The following RORA variants were observed in gnomAD, a reference collection of about 807,000 sequenced individuals.
The protein encoded by RORA is nuclear receptor ROR-alpha.
In RORA, 7 loss-of-function variants were observed where a neutral mutation model predicts 69.5. The observed-to-expected ratio is 0.10, with a 90% CI of 0.06 to 0.19. RORA has a LOEUF of 0.19. Ranked by LOEUF, RORA falls within the 10% of genes least tolerant of loss-of-function variation. The pLI, the probability that RORA is intolerant of heterozygous loss-of-function variation, is 1.00. For missense variants in RORA, 457 were observed against 663.0 expected (o/e 0.69, Z 3.41); for synonymous variants, 261 against 240.8 (o/e 1.08, Z -0.78).
intron 1 of RORA, among the ~76,000 whole-genome samples, chr15:61,204,197 A>T (rs1235561633): frequency 2.0e-5 from 3 of 152,200 alleles, no homozygotes; most frequent in Non-Finnish European, 4.4e-5. Flanking sequence ...AGGGAGATCC[A>T]AGCTGAGACT....
In RORA at chr15:60,786,837, C is replaced by T. The variant is rs529240531; in HGVS notation, c.167-108151G>A. Among the ~76,000 whole-genome samples, 7 of 152,336 alleles carry T rather than the reference C, an allele frequency of 4.6e-5. No individual in the cohort carries two copies. In the South Asian group the frequency reaches 1.0e-3, roughly 23 times the overall value. ...CACACCTCACTCAGCAACAGCTGTG[C>T]GAGTGCAGGTAAAGTCTTTCTGGAG... is the stretch of plus-strand genomic sequence containing the variant. On this transcript the variant is annotated intron_variant, in intron 1 of 10. Coordinates refer to ENST00000335670, the MANE Select transcript of RORA (RefSeq NM_134261.3).
At chr15:60,972,167 T>C (rs1019931803) in intron 1 of RORA, among the ~76,000 whole-genome samples, 4 of 152,222 alleles carry the variant, frequency 2.6e-5, no homozygotes, top group Admixed American at 6.5e-5. Flanking sequence ...GTCAGATCAA[T>C]TGAATGTTGG....
intron 1 of RORA, among the ~76,000 whole-genome samples, chr15:61,094,903 C>T (rs1298072220): frequency 6.6e-6 from 1 of 152,298 alleles, no homozygotes; most frequent in East Asian, 1.9e-4. Context: ...AGAAAAGATG[C>T]TACTGGAGCG....
At chr15:61,092,019 C>T (rs926207586) in intron 1 of RORA, among the ~76,000 whole-genome samples, 4 of 151,980 alleles carry the variant, frequency 2.6e-5, no homozygotes, top group Non-Finnish European at 5.9e-5. Flanking sequence ...TTGAACAAAC[C>T]AAGATATAAA....
intron 2 of RORA, among the ~76,000 whole-genome samples, chr15:60,624,304 T>C (rs2069502748): frequency 6.6e-6 from 1 of 151,266 alleles, no homozygotes; most frequent in South Asian, 2.1e-4. Flanking sequence ...TGTTTGGTCA[T>C]AGTTATATAT....
chr15:60,990,694 GCA>G (rs150772898), intron 1 of RORA, among the ~76,000 whole-genome samples: 2 of 151,912 alleles, frequency 1.3e-5, no homozygotes, highest in Non-Finnish European at 2.9e-5. Context: ...CACTGTGTAT[GCA>G]CACACACACA....
intron 1 of RORA, among the ~76,000 whole-genome samples, chr15:60,737,613 A>G (rs977607110): frequency 6.6e-6 from 1 of 152,258 alleles, no homozygotes; most frequent in African/African-American, 2.4e-5. Flanking sequence ...CCTGGTCTAT[A>G]GAATGGGGGC....
At chr15:60,955,544 T>C (rs1455401128) in intron 1 of RORA, among the ~76,000 whole-genome samples, 1 of 152,248 alleles carries the variant, frequency 6.6e-6, no homozygotes, top group Non-Finnish European at 1.5e-5. Flanking sequence ...TTCCTGGTTC[T>C]AAATGCAATA....
At chr15:60,895,798 C>G (rs1307614557) in intron 1 of RORA, among the ~76,000 whole-genome samples, 1 of 152,168 alleles carries the variant, frequency 6.6e-6, no homozygotes, top group East Asian at 1.9e-4. Context: ...AGCTAGGGCT[C>G]TTACTTTGAC....
At chr15:60,705,865 T>C (rs769793341) in intron 1 of RORA, among the ~76,000 whole-genome samples, 16 of 152,186 alleles carry the variant, frequency 1.1e-4, no homozygotes, top group Admixed American at 1.0e-3. Flanking sequence ...GAAATAATAA[T>C]ACTTTGCTTT....
At chr15:60,614,322 G>T (rs1419042082) in intron 2 of RORA, among the ~76,000 whole-genome samples, 1 of 152,138 alleles carries the variant, frequency 6.6e-6, no homozygotes, top group Admixed American at 6.5e-5. Flanking sequence ...GACAATTTTG[G>T]AGCATGGGCC....
At chr15:61,055,076 A>C (rs1280275844) in intron 1 of RORA, among the ~76,000 whole-genome samples, 2 of 152,062 alleles carry the variant, frequency 1.3e-5, no homozygotes, top group African/African-American at 4.8e-5. Context: ...GGCTCAAGGG[A>C]TCCACCTGCC....
At chr15:60,867,725 T>C (rs2073506405) in intron 1 of RORA, among the ~76,000 whole-genome samples, 1 of 152,164 alleles carries the variant, frequency 6.6e-6, no homozygotes. Flanking sequence ...CTCTTGATAT[T>C]CTCTATATGA....
At chr15:60,500,840 G>A (rs1362666063) in intron 9 of RORA, 119 bp downstream of exon 9, 1 of 574,534 alleles carries the variant, frequency 1.7e-6, no homozygotes, top group East Asian at 3.0e-5. Context: ...TTTAATAAGG[G>A]TGGAGACCTC....
At chr15:60,848,326 G>A (rs1301523491) in intron 1 of RORA, 2 of 152,236 alleles carry the variant, frequency 1.3e-5, no homozygotes, top group African/African-American at 4.8e-5. Flanking sequence ...ATGGGGAGAT[G>A]ATCCTGGGTT....
intron 1 of RORA, among the ~76,000 whole-genome samples, chr15:60,679,259 G>A (rs2070605612): frequency 6.6e-6 from 1 of 152,088 alleles, no homozygotes. Flanking sequence ...TCTAAAAATG[G>A]CCCCCAAATG....
At chr15:60,581,405 T>C (rs1480888638) in intron 2 of RORA, among the ~76,000 whole-genome samples, 1 of 152,262 alleles carries the variant, frequency 6.6e-6, no homozygotes, top group Non-Finnish European at 1.5e-5. Context: ...ATCAAACCAA[T>C]TGTTTTGTTA....
chr15:61,154,476 C>A (rs2140877114), intron 1 of RORA, among the ~76,000 whole-genome samples: 1 of 152,170 alleles, frequency 6.6e-6, no homozygotes, highest in Admixed American at 6.5e-5. Context: ...AGCTTCCGGG[C>A]AAGAGATCCT....
At chr15:60,825,666 C>T (rs16943172) in intron 1 of RORA, among the ~76,000 whole-genome samples, 30,113 of 152,178 alleles carry the variant, frequency 0.2, 3,125 homozygotes, top group East Asian at 0.33. Flanking sequence ...CAAAGCATGG[C>T]CCCGAAGAAC....
Sources: allele counts gnomAD v4.1 joint callset (sites outside exome capture counted in the v4.1 genomes callset), GRCh38; gene constraint gnomAD v4.1.1; transcripts MANE v1.5; gene names NCBI Gene and HGNC (gene_info 2026-07-23, HGNC 2026-07-21).